The following TMEM108 variants were observed in gnomAD, a reference collection of about 807,000 sequenced individuals.
The protein encoded by TMEM108 is cancer/testis antigen 124.
TMEM108 carries 12 observed loss-of-function variants against 35.1 expected under a neutral mutation model. The observed-to-expected ratio is 0.34, with a 90% CI of 0.22 to 0.55. TMEM108 has a LOEUF of 0.55. Ranked by LOEUF, TMEM108 falls within the 20% of genes least tolerant of loss-of-function variation. The probability of loss-of-function intolerance (pLI) is 0.89; values close to 1 mark genes in which losing one functional copy is unlikely to be tolerated. For synonymous variants in TMEM108, 287 were observed against 308.6 expected, an observed-to-expected ratio of 0.93 and a Z score of 0.73; for missense variants, 680 against 753.3, an observed-to-expected ratio of 0.90 and a Z score of 1.14.
intron 3 of TMEM108, among the ~76,000 whole-genome samples, chr3:133,263,024 A>C (rs1489317346): frequency 1.3e-5 from 2 of 152,224 alleles, no homozygotes; most frequent in Non-Finnish European, 2.9e-5. Context: ...GTTGCTGTAG[A>C]TCATAGGCAA....
chr3:133,338,982 TAAATAATAACACCAAAGA>T (rs1452362468), intron 3 of TMEM108, among the ~76,000 whole-genome samples: 2 of 151,532 alleles, frequency 1.3e-5, no homozygotes, highest in Admixed American at 1.3e-4. Flanking sequence ...AGCAAGAAAT[TAAATAATAACACCAAAGA>T]AAATAATAAC....
At chr3:133,321,652 C>T (rs2071269102) in intron 3 of TMEM108, among the ~76,000 whole-genome samples, 1 of 152,140 alleles carries the variant, frequency 6.6e-6, no homozygotes, top group African/African-American at 2.4e-5. Flanking sequence ...AAACAATGAA[C>T]TTAAACTATG....
At chr3:133,378,309 G>A in intron 3 of TMEM108, 1 of 981,040 alleles carries the variant, frequency 1.0e-6, no homozygotes, top group Non-Finnish European at 1.2e-6. Flanking sequence ...AGGCATGCCT[G>A]GAGATCTCCT....
intron 2 of TMEM108, among the ~76,000 whole-genome samples, chr3:133,221,304 G>A (rs941777751): frequency 6.6e-6 from 1 of 151,946 alleles, no homozygotes; most frequent in African/African-American, 2.4e-5. Context: ...AAAAAAAGAT[G>A]CTCCTATCAC....
intron 4 of TMEM108, chr3:133,389,268 A>C (rs1236175749): frequency 1.0e-6 from 1 of 985,528 alleles, no homozygotes. Flanking sequence ...TGGGAGTCTC[A>C]GGGATGAACA....
chr3:133,226,435 T>C (rs906763572), intron 2 of TMEM108, among the ~76,000 whole-genome samples: 2 of 152,214 alleles, frequency 1.3e-5, no homozygotes, highest in Non-Finnish European at 2.9e-5. Flanking sequence ...TTGATATTTT[T>C]CAGGGCCTGC....
chr3:133,367,848 A>G (rs1360909027), intron 3 of TMEM108, among the ~76,000 whole-genome samples: 1 of 151,938 alleles, frequency 6.6e-6, no homozygotes, highest in African/African-American at 2.4e-5. Flanking sequence ...CCTCCTCAAC[A>G]AGTTCTTTTG....
chr3:133,395,237 T>C (rs1411248189), intron 5 of TMEM108, among the ~76,000 whole-genome samples: 1 of 152,208 alleles, frequency 6.6e-6, no homozygotes, highest in Non-Finnish European at 1.5e-5. Context: ...GAGATGCAGA[T>C]CCATTCAGCT....
At chr3:133,333,540 AAAAT>A (rs1319625746) in intron 3 of TMEM108, among the ~76,000 whole-genome samples, 1 of 152,214 alleles carries the variant, frequency 6.6e-6, no homozygotes, top group Non-Finnish European at 1.5e-5. Flanking sequence ...AGAGAATCAA[AAAAT>A]AAATAAACAA....
intron 2 of TMEM108, among the ~76,000 whole-genome samples, chr3:133,200,385 G>A (rs560677331): frequency 5.3e-5 from 8 of 152,270 alleles, no homozygotes; most frequent in African/African-American, 1.9e-4. Flanking sequence ...ACCAGAAAGC[G>A]AGCTCAGCCA....
chr3:133,261,584 G>A (rs1946623054), intron 3 of TMEM108, among the ~76,000 whole-genome samples: 1 of 152,054 alleles, frequency 6.6e-6, no homozygotes, highest in African/African-American at 2.4e-5. Flanking sequence ...GATTGTAAAG[G>A]GTGTCTGAAA....
intron 3 of TMEM108, among the ~76,000 whole-genome samples, chr3:133,308,675 G>A (rs191559544): frequency 5.3e-5 from 8 of 152,284 alleles, no homozygotes; most frequent in Admixed American, 2.0e-4. Context: ...ATTGATTTGC[G>A]TATGTTGAAC....
At chr3:133,201,671 G>A (rs1485913662) in intron 2 of TMEM108, among the ~76,000 whole-genome samples, 1 of 152,106 alleles carries the variant, frequency 6.6e-6, no homozygotes, top group Non-Finnish European at 1.5e-5. Flanking sequence ...TGTTGTATAT[G>A]TGCCACATTT....
intron 2 of TMEM108, among the ~76,000 whole-genome samples, chr3:133,082,825 A>T (rs1943829489): frequency 6.6e-6 from 1 of 151,868 alleles, no homozygotes; most frequent in South Asian, 2.1e-4. Context: ...CTAATTTTTA[A>T]AATTGTTTTA....
chr3:133,137,337 G>A lies in TMEM108; in HGVS notation c.-47+91317G>A, dbSNP rs116095778. Reference sequence around the variant, plus strand: ...TTGGCAAAATCTATACCACGCTGCCGTCAGTCATCTTTCAGTATGTTTTTC... The same window carrying A: ...TTGGCAAAATCTATACCACGCTGCCATCAGTCATCTTTCAGTATGTTTTTC... On this transcript the variant is annotated intron_variant, in intron 2 of 5. Transcript: ENST00000321871. 9.4e-3 allele frequency among the ~76,000 whole-genome samples: 1,437 copies of A among 152,300 alleles called. 20 individuals are homozygous for A. The highest frequency in any genetic ancestry group is 0.031 in the African/African-American group (1,291 of 41,572).
chr3:133,183,395 A>G (rs1049564165), intron 2 of TMEM108, among the ~76,000 whole-genome samples: 1 of 152,132 alleles, frequency 6.6e-6, no homozygotes, highest in African/African-American at 2.4e-5. Context: ...CTGGGGAGTG[A>G]GAAGTCTTGG....
At chr3:133,374,390 G>A (rs566288407) in intron 3 of TMEM108, among the ~76,000 whole-genome samples, 184 of 151,798 alleles carry the variant, frequency 1.2e-3, no homozygotes, top group African/African-American at 4.2e-3. Flanking sequence ...AGTTTAATGG[G>A]GAAGGAAGAT....
chr3:133,158,882 C>A (rs1944920202), intron 2 of TMEM108, among the ~76,000 whole-genome samples: 1 of 152,198 alleles, frequency 6.6e-6, no homozygotes, highest in African/African-American at 2.4e-5. Context: ...CATCCAGCTG[C>A]CAATCAAGGT....
At chr3:133,134,865 G>A (rs906022336) in intron 2 of TMEM108, among the ~76,000 whole-genome samples, 2 of 151,690 alleles carry the variant, frequency 1.3e-5, no homozygotes, top group Non-Finnish European at 2.9e-5. Context: ...GAATTGATAA[G>A]TCTTTCTTCC....
Sources: gnomAD v4.1 joint callset for allele counts (sites outside exome capture counted in the v4.1 genomes callset) on GRCh38, gnomAD v4.1.1 for gene constraint, MANE v1.5 for transcripts, NCBI Gene and HGNC (gene_info 2026-07-23, HGNC 2026-07-21) for gene names.